Variants in TRIM67 observed in about 807,000 individuals in gnomAD.
The protein encoded by TRIM67 is tripartite motif-containing protein 67.
In TRIM67, 39 loss-of-function variants were observed where a neutral mutation model predicts 71.0. The ratio of observed to expected loss-of-function variants is 0.55; its 90% CI spans 0.43 to 0.72. The LOEUF is 0.72. Ranked by LOEUF, TRIM67 falls within the 30% of genes least tolerant of loss-of-function variation. The pLI is 0.00. For synonymous variants in TRIM67, 481 were observed against 473.9 expected, an observed-to-expected ratio of 1.01 and a Z score of -0.19; for missense variants, 973 against 1,079.2, an observed-to-expected ratio of 0.90 and a Z score of 1.38.
At chr1:231,214,551 C>T (rs528141922) in intron 9 of TRIM67, among the ~76,000 whole-genome samples, 7 of 150,814 alleles carry the variant, frequency 4.6e-5, no homozygotes, top group South Asian at 2.1e-4. Context: ...CCAAGGCAGG[C>T]GGATCACGAG....
intron 5 of TRIM67, among the ~76,000 whole-genome samples, chr1:231,202,096 TGGA>T (rs1186415565): frequency 9.5e-3 from 5 of 528 alleles, no homozygotes; most frequent in South Asian, 0.071. Flanking sequence ...GCTAAGATAA[TGGA>T]GGAGGAGGAG....
At chr1:231,174,333 ATT>A (rs111838016) in intron 1 of TRIM67, among the ~76,000 whole-genome samples, 17 of 138,754 alleles carry the variant, frequency 1.2e-4, no homozygotes, top group South Asian at 4.6e-4. Context: ...AAATTTGCTA[ATT>A]TTTTTTTTTT....
At chr1:231,199,232 G>A in intron 3 of TRIM67, 63 bp downstream of exon 3, 1 of 1,518,684 alleles carries the variant, frequency 6.6e-7, no homozygotes, top group East Asian at 2.3e-5. Flanking sequence ...AGCGTGGGGT[G>A]GAGCACAGAG....
intron 1 of TRIM67, among the ~76,000 whole-genome samples, chr1:231,168,850 G>A (rs1045274580): frequency 3.3e-5 from 5 of 152,158 alleles, no homozygotes; most frequent in Non-Finnish European, 5.9e-5. Context: ...GGTTGGATGG[G>A]CAAAAAGAGT....
rs114510549 is a variant in TRIM67 at position 231,188,258 on chromosome 1, G to T, written c.1045-9113G>T. Among the ~76,000 whole-genome samples, 1,396 of 152,316 alleles carry T rather than the reference G, an allele frequency of 9.2e-3. 21 individuals are homozygous for T. The highest frequency in any genetic ancestry group is 0.031 in the African/African-American group (1,308 of 41,572). On this transcript the variant is annotated intron_variant, in intron 1 of 9. Transcript: ENST00000366653. ...CATCCTCCCACATGTGTCCCCTGCA[G>T]TGCAGGGACAAAGCCCAGACTGATG...
intron 8 of TRIM67, among the ~76,000 whole-genome samples, chr1:231,212,317 T>C (rs542246724): frequency 1.3e-5 from 2 of 152,300 alleles, no homozygotes; most frequent in South Asian, 4.1e-4. Flanking sequence ...TGTTATCTCT[T>C]AGAGAAAAAT....
intron 1 of TRIM67, among the ~76,000 whole-genome samples, chr1:231,185,689 AC>A (rs1683051795): frequency 6.6e-6 from 1 of 151,964 alleles, no homozygotes; most frequent in Admixed American, 6.5e-5. Flanking sequence ...CAGGCTCTGT[AC>A]TAGGGACACA....
At position 231,163,742 on chromosome 1, in the gene TRIM67, C is replaced by G; in HGVS notation, c.773C>G (p.Pro258Arg). ...CTGGTGCAGCCGCCGCCGCCGCCGC[C>G]GCCGCCCGCCGAGGCAGCCTCCGGG... ...HRLVQPPPPP[P>R]PPAEAASGPT... Residue 258 changes from proline to arginine, a missense_variant, in exon 1 of 10, where the codon CCG (proline) becomes CGG (arginine). By Grantham distance (103) the Pro-to-Arg change is moderately radical. Coordinates refer to ENST00000366653, the MANE Select transcript of TRIM67 (RefSeq NM_001004342.5). 6.7e-7 allele frequency: 1 copy of G among 1,492,208 alleles called. No individual in the cohort carries two copies. The highest frequency in any genetic ancestry group is 1.3e-5 in the South Asian group (1 of 78,338). 92.4% of individuals were successfully genotyped at this position (1,492,208 alleles called of 1,614,324 possible).
Position 231,215,534 on chromosome 1 carries a change from G to C in TRIM67, c.*94G>C, listed in dbSNP as rs752441735. ...AAGCTCAAATAACCCACAAAAGCAG[G>C]ATATGCAAATCATGGGTGCAACCTG... On this transcript the variant is annotated 3_prime_UTR_variant, in exon 10 of 10. Coordinates refer to ENST00000366653, the MANE Select transcript of TRIM67 (RefSeq NM_001004342.5). The C allele has an allele frequency of 4.1e-6, 6 of 1,461,242 alleles. No homozygotes were observed. The highest frequency in any genetic ancestry group is 5.5e-6 in the Non-Finnish European group (6 of 1,098,024). 90.5% of individuals were successfully genotyped at this position (1,461,242 alleles called of 1,614,324 possible).
chr1:231,179,281 G>A (rs917235296), intron 1 of TRIM67, among the ~76,000 whole-genome samples: 2 of 152,216 alleles, frequency 1.3e-5, no homozygotes, highest in Non-Finnish European at 2.9e-5. Context: ...CTCTGTGCAT[G>A]CATGTATGTG....
chr1:231,192,489 TA>T lies in TRIM67; in HGVS notation c.1045-4872del, dbSNP rs963822209. Among the ~76,000 whole-genome samples the T allele has an allele frequency of 7.0e-4, 106 of 150,386 alleles. No individual in the cohort carries two copies. In the East Asian group the frequency reaches 7.2e-3, roughly 10 times the overall value. On this transcript the variant is annotated intron_variant, in intron 1 of 9. Transcript: ENST00000366653. ...GCCACTGCTCCAGAACTCCATCTCT[TA>T]AAAAAAAAATCGTTTGTTCTTTCAC...
Position 231,200,274 on chromosome 1 carries a change from G to A in TRIM67, c.1374+16G>A, listed in dbSNP as rs1683484792. 6.4e-7 allele frequency: 1 copy of A among 1,565,722 alleles called. No individual in the cohort carries two copies. On this transcript the variant is annotated intron_variant, in intron 4 of 9. Coordinates refer to ENST00000366653, the MANE Select transcript of TRIM67 (RefSeq NM_001004342.5). The stretch of plus-strand genomic sequence containing the variant: ...GTTCTTACAGGTGAGCCTGTCCCTG[G>A]AAGACACAAAGTGGGCTTCCTCCAA...
intron 1 of TRIM67, among the ~76,000 whole-genome samples, chr1:231,194,431 G>T (rs1683312945): frequency 6.6e-6 from 1 of 152,120 alleles, no homozygotes; most frequent in Admixed American, 6.5e-5. Context: ...TTTGATAAAG[G>T]TTCATTGGAA....
Position 231,216,952 on chromosome 1 carries a change from T to C in TRIM67, c.*1512T>C. The stretch of plus-strand genomic sequence containing the variant: ...AAAGAATATATTTTGTCAAGCATTT[T>C]ATTTCTGAGGCTGAGAAGTGACTTG... On this transcript the variant is annotated 3_prime_UTR_variant, in exon 10 of 10. Coordinates refer to ENST00000366653, the MANE Select transcript of TRIM67 (RefSeq NM_001004342.5). The C allele has an allele frequency of 1.0e-6, 1 of 985,796 alleles. No homozygotes were observed. The highest frequency in any genetic ancestry group is 1.2e-6 in the Non-Finnish European group (1 of 829,942). 61.1% of individuals were successfully genotyped at this position (985,796 alleles called of 1,614,324 possible).
rs745841002 is a variant in TRIM67, at chr1:231,203,963, T to A, written c.1631T>A (p.Val544Glu). ...ATGCCACCCTTCACCCACAGCCCCGTGGACGGCTACATCCTGGAGCTGGAC... is the reference window on the plus strand; with the variant it reads ...ATGCCACCCTTCACCCACAGCCCCGAGGACGGCTACATCCTGGAGCTGGAC... ...WRMPPFTHSPVDGYILELDDG... is the reference protein window; with the variant it reads ...WRMPPFTHSPEDGYILELDDG... The change falls in exon 6 of 10, where the codon GTG becomes GAG. Residue 544 changes from valine to glutamate, a missense_variant. By Grantham distance (121) the Val-to-Glu change is moderately radical (BLOSUM62 -2). Around this residue, in one of 2 missense-constraint regions of TRIM67, gnomAD observed 795 missense variants for 831.3 expected, o/e 0.96. Transcript: ENST00000366653. 6.2e-7 allele frequency: 1 copy of A among 1,613,988 alleles called. No individual in the cohort carries two copies. The highest frequency in any genetic ancestry group is 1.1e-5 in the South Asian group (1 of 91,082).
intron 8 of TRIM67, among the ~76,000 whole-genome samples, chr1:231,212,650 G>C (rs1683905817): frequency 6.6e-6 from 1 of 151,984 alleles, no homozygotes; most frequent in Non-Finnish European, 1.5e-5. Context: ...TTGAGCCCAG[G>C]GGTTCCAGGC....
chr1:231,199,935 T>C (rs921763018), intron 3 of TRIM67, among the ~76,000 whole-genome samples: 2 of 152,220 alleles, frequency 1.3e-5, no homozygotes, highest in Non-Finnish European at 1.5e-5. Flanking sequence ...TTGGGTGTTG[T>C]AGCCCTGCTT....
At position 231,215,484 on chromosome 1, in the gene TRIM67, AG is replaced by A; in HGVS notation, c.*46del. ...CTGTGCCTGTGACAGTGACATTCAC[AG>A]GCAAAACGCCCACCATTCTCACTAA... On this transcript the variant is annotated 3_prime_UTR_variant, in exon 10 of 10. Transcript: ENST00000366653. 1 of 1,546,974 alleles carries A rather than the reference AG, an allele frequency of 6.5e-7. No homozygotes were observed. The highest frequency in any genetic ancestry group is 8.8e-7 in the Non-Finnish European group (1 of 1,140,742).
At position 231,167,319 on chromosome 1, in the gene TRIM67, C is replaced by CTTTTTTTTT. The variant is rs1159766852; in HGVS notation, c.1044+3319_1044+3327dup. 2.6e-3 allele frequency among the ~76,000 whole-genome samples: 134 copies of CTTTTTTTTT among 51,844 alleles called. 22 individuals carry two copies. The highest frequency in any genetic ancestry group is 9.9e-3 in the African/African-American group (106 of 10,696). 34.0% of individuals were successfully genotyped at this position (51,844 alleles called of 152,430 possible). A position where few individuals can be genotyped will look rare whatever the true frequency, so the allele number is the denominator to read the frequency against. ...ACAGGACTTTTGATCACTCTAATGT[C>CTTTTTTTTT]TTTTTTTTTTTTTTTTTTTTTGAGA... On this transcript the variant is annotated intron_variant, in intron 1 of 9. Coordinates refer to ENST00000366653, the MANE Select transcript of TRIM67 (RefSeq NM_001004342.5).
Sources: gnomAD v4.1 joint callset for allele counts (sites outside exome capture counted in the v4.1 genomes callset) on GRCh38, gnomAD v4.1.1 for gene constraint, gnomAD v4.1.1 regional missense constraint, MANE v1.5 for transcripts, NCBI Gene and HGNC (gene_info 2026-07-23, HGNC 2026-07-21) for gene names.